Variants in GUSB observed in about 807,000 individuals in gnomAD.
GUSB encodes glucuronidase beta.
Under a neutral mutation model 74.6 loss-of-function variants are expected in GUSB, and 51 were observed. That is an observed-to-expected ratio of 0.68 (90% CI 0.55 to 0.86). The LOEUF is 0.86. Among genes scored for constraint, GUSB ranks in the 40% least tolerant of loss-of-function variants. The probability of loss-of-function intolerance (pLI) is 0.00; values close to 1 mark genes in which losing one functional copy is unlikely to be tolerated. For synonymous variants in GUSB, 360 were observed against 348.3 expected, an observed-to-expected ratio of 1.03 and a Z score of -0.37; for missense variants, 736 against 853.7, an observed-to-expected ratio of 0.86 and a Z score of 1.72.
In GUSB at chr7:65,980,072, C is replaced by T. The variant is rs891792789; in HGVS notation, c.396+152G>A. On this transcript the variant is annotated intron_variant, in intron 2 of 11. Transcript: ENST00000304895. ...AATGGGGTAGATCAGGCTACCTATCCCCCTATACAGGGCACAGCCCCCAGG... is the reference window on the plus strand; with the variant it reads ...AATGGGGTAGATCAGGCTACCTATCTCCCTATACAGGGCACAGCCCCCAGG... 5.8e-5 allele frequency: 55 copies of T among 947,828 alleles called. 1 individual carries two copies. The South Asian group carries it at 8.0e-4, about 14-fold the overall frequency. 58.7% of individuals were successfully genotyped at this position (947,828 alleles called of 1,614,324 possible).
Position 65,960,961 on chromosome 7 carries a change from T to G in GUSB, c.1892A>C (p.Asn631Thr). The G allele has an allele frequency of 6.2e-7, 1 of 1,614,032 alleles. No homozygotes were observed. The highest frequency in any genetic ancestry group is 8.5e-7 in the Non-Finnish European group (1 of 1,179,960). Residue 631 changes from asparagine (N) to threonine (T), a missense_variant, in exon 12 of 12, where the codon AAT becomes ACT. Physicochemically the swap from Asn to Thr is moderately conservative, Grantham distance 65. Around this residue, in one of 2 missense-constraint regions of GUSB, gnomAD observed 368 missense variants for 489.9 expected, o/e 0.75. Coordinates refer to ENST00000304895, the MANE Select transcript of GUSB (RefSeq NM_000181.4). ...LLRERYWKIA[N>T]ETRYPHSVAK... ...TACTGAGTGGGGATACCTGGTTTCA[T>G]TGGCAATCTTCCAGTATCTCTCTCG...
At chr7:65,967,352 G>A (rs1790901842) in intron 10 of GUSB, among the ~76,000 whole-genome samples, 1 of 152,182 alleles carries the variant, frequency 6.6e-6, no homozygotes, top group African/African-American at 2.4e-5. Flanking sequence ...TACTCAGGAG[G>A]CTGAGGTGGG....
In GUSB at chr7:65,979,861, G is replaced by A. The variant is rs148364905; in HGVS notation, c.447C>T (p.Phe149=). The change falls in exon 3 of 12, where the codon TTC becomes TTT. Residue 149 remains phenylalanine, a synonymous_variant. Transcript: ENST00000304895. ...GGACCAGGTTGCTGATGTCGGCCTC[G>A]AAGGGGAGGTAGCCCCCCTCATGCT... The part of the protein sequence containing the change: ...TLEHEGGYLP[F]EADISNLVQV... 1.1e-4 allele frequency: 183 copies of A among 1,612,858 alleles called. No homozygotes were observed. The highest frequency in any genetic ancestry group is 1.4e-4 in the Non-Finnish European group (167 of 1,179,772).
At position 65,974,455 on chromosome 7, in the gene GUSB, G is replaced by A. The variant is rs539361188; in HGVS notation, c.1245-14C>T. On this transcript the variant is annotated splice_polypyrimidine_tract_variant and intron_variant, in intron 7 of 11. Coordinates refer to ENST00000304895, the MANE Select transcript of GUSB (RefSeq NM_000181.4). The stretch of plus-strand genomic sequence containing the variant: ...TTGAAGAACTGCCTGCGGGCCAGGA[G>A]GGAAGGGACAGAGGGTCACGGTGAC... The A allele has an allele frequency of 5.0e-6, 8 of 1,614,068 alleles. No homozygotes were observed. Among genetic ancestry groups the A allele is most frequent in the Non-Finnish European group, 6.8e-6 (8 of 1,180,042 alleles).
At chr7:65,962,682 G>C (rs1267892023) in intron 11 of GUSB, among the ~76,000 whole-genome samples, 2 of 152,022 alleles carry the variant, frequency 1.3e-5, no homozygotes, top group Non-Finnish European at 2.9e-5. Context: ...AGCCCAGCCT[G>C]ACCAACATGG....
intron 4 of GUSB, among the ~76,000 whole-genome samples, chr7:65,976,645 G>T (rs1366756748): frequency 6.8e-6 from 1 of 147,996 alleles, no homozygotes; most frequent in Non-Finnish European, 1.5e-5. Context: ...TTTAAAAAAA[G>T]ATTTTGGCCA....
At position 65,976,122 on chromosome 7, in the gene GUSB, CTT is replaced by C. The variant is rs1791556465; in HGVS notation, c.803_804del (p.Lys268SerfsTer13). On this transcript the variant is annotated frameshift_variant, in exon 5 of 12. Coordinates refer to ENST00000304895, the MANE Select transcript of GUSB (RefSeq NM_000181.4). LOFTEE classifies it high-confidence loss of function. ...TGGGTCCCAGTCCCATTCGCCACGA[CTT>C]TGTTTTCTGCATCCAAAAGACGCAC... The part of the protein sequence containing the change: ...LEVRLLDAEN[K>X]VVANGTGTQG... 6.2e-7 allele frequency: 1 copy of C among 1,613,950 alleles called. No individual in the cohort carries two copies. Among genetic ancestry groups the C allele is most frequent in the Non-Finnish European group, 8.5e-7 (1 of 1,179,936 alleles).
At chr7:65,965,493 A>C (rs1250468680) in intron 10 of GUSB, among the ~76,000 whole-genome samples, 2 of 152,184 alleles carry the variant, frequency 1.3e-5, no homozygotes, top group Admixed American at 1.3e-4. Context: ...ACCATTTCAG[A>C]CAGTGCAAAT....
intron 8 of GUSB, among the ~76,000 whole-genome samples, chr7:65,972,477 A>G (rs1469432086): frequency 6.6e-6 from 1 of 152,094 alleles, no homozygotes; most frequent in East Asian, 1.9e-4. Context: ...ACTGTTGTTG[A>G]AGCCTGTTTT....
At position 65,976,201 on chromosome 7, in the gene GUSB, C is replaced by T. The variant is rs1306495578; in HGVS notation, c.726G>A (p.Gly242=). Residue 242 remains glycine (G), a splice_region_variant and synonymous_variant, in exon 5 of 12, where the codon GGG becomes GGA. Coordinates refer to ENST00000304895, the MANE Select transcript of GUSB (RefSeq NM_000181.4). ...TGACAGAGATCTGGTAATTCACCAGCCCTGCAAGAAACAAGAGAGACCAGG... is the reference window on the plus strand; with the variant it reads ...TGACAGAGATCTGGTAATTCACCAGTCCTGCAAGAAACAAGAGAGACCAGG... The part of the protein sequence containing the change: ...TVTTSVEQDS[G]LVNYQISVKG... 6.2e-7 allele frequency: 1 copy of T among 1,610,556 alleles called. No homozygotes were observed. The highest frequency in any genetic ancestry group is 1.1e-5 in the South Asian group (1 of 91,024).
At chr7:65,973,016 G>T (rs1391454743) in intron 8 of GUSB, among the ~76,000 whole-genome samples, 3 of 152,180 alleles carry the variant, frequency 2.0e-5, no homozygotes, top group African/African-American at 7.2e-5. Flanking sequence ...TGAACGCTGA[G>T]TTAGAACTGC....
In GUSB at chr7:65,980,371, G is replaced by A. The variant is rs750221073; in HGVS notation, c.249C>T (p.Phe83=). 1 of 1,613,916 alleles carries A rather than the reference G, an allele frequency of 6.2e-7. No individual in the cohort carries two copies. The highest frequency in any genetic ancestry group is 1.1e-5 in the South Asian group (1 of 91,026). The change falls in exon 2 of 12, where the codon TTC becomes TTT. Residue 83 remains phenylalanine, a synonymous_variant. Transcript: ENST00000304895. The part of the protein sequence containing the change: ...PTVDMPVPSS[F]NDISQDWRLR... The stretch of plus-strand genomic sequence containing the variant: ...GACGCCAGTCCTGGCTGATGTCATT[G>A]AAGCTGGAGGGAACTGGCATGTCCA...
At chr7:65,967,089 G>A (rs1216886447) in intron 10 of GUSB, among the ~76,000 whole-genome samples, 2 of 152,126 alleles carry the variant, frequency 1.3e-5, no homozygotes, top group African/African-American at 2.4e-5. Flanking sequence ...GGAGAGAGCA[G>A]AGGACACTGA....
At chr7:65,967,997 G>GT in intron 9 of GUSB, 90 bp from the exon 10 acceptor site, 7 of 1,088,532 alleles carry the variant, frequency 6.4e-6, no homozygotes, top group Non-Finnish European at 9.7e-6. Context: ...GGCAGAGAAG[G>GT]TAAGGGGGAT....
In GUSB at chr7:65,982,006, C is replaced by G. The variant is rs1224849242; in HGVS notation, c.178G>C (p.Glu60Gln). Residue 60 changes from glutamate to glutamine, a missense_variant, in exon 1 of 12, where the codon GAG becomes CAG. By Grantham distance (29) the Glu-to-Gln change is conservative. This residue lies in a region of GUSB where 368 missense variants were observed against 363.8 expected (regional missense o/e 1.01). Coordinates refer to ENST00000304895, the MANE Select transcript of GUSB (RefSeq NM_000181.4). ...AGCGGCCGCCGGTACCACTGCTCCT[C>G]GAAGCCCCGGCGTCGGTTGTCAGAG... is the stretch of plus-strand genomic sequence containing the variant. Reference protein sequence around the residue: ...DFSDNRRRGFEEQWYRRPLWE... With the variant: ...DFSDNRRRGFQEQWYRRPLWE... 1 of 1,609,734 alleles carries G rather than the reference C, an allele frequency of 6.2e-7. No homozygotes were observed. The highest frequency in any genetic ancestry group is 1.1e-5 in the South Asian group (1 of 90,852).
chr7:65,968,883 G>A (rs1386129395), intron 9 of GUSB, among the ~76,000 whole-genome samples: 1 of 152,076 alleles, frequency 6.6e-6, no homozygotes, highest in Non-Finnish European at 1.5e-5. Context: ...CACCATGCCC[G>A]GCTGTCACAG....
Position 65,976,016 on chromosome 7 carries a change from T to G in GUSB, c.911A>C (p.Glu304Ala). 3.1e-6 allele frequency: 5 copies of G among 1,613,250 alleles called. No homozygotes were observed. In the South Asian group the frequency reaches 5.5e-5, roughly 18 times the overall value. ...AGGCATGTCCCAAACCACCATTACC[T>G]CCAATGAATACAGATAGGCAGGGCG... is the stretch of plus-strand genomic sequence containing the variant. ...HERPAYLYSL[E>A]VQLTAQTSLG... The change falls in exon 5 of 12, where the codon GAG becomes GCG. Residue 304 changes from glutamate to alanine, a missense_variant and splice_region_variant. Glu to Ala is a moderately radical substitution (Grantham distance 107). Coordinates refer to ENST00000304895, the MANE Select transcript of GUSB (RefSeq NM_000181.4).
intron 8 of GUSB, among the ~76,000 whole-genome samples, chr7:65,971,318 G>T (rs1181140185): frequency 6.6e-6 from 1 of 152,168 alleles, no homozygotes; most frequent in Non-Finnish European, 1.5e-5. Context: ...GAGAAATGGT[G>T]CAAGTGCCGG....
At chr7:65,965,216 G>C (rs1790756353) in intron 10 of GUSB, among the ~76,000 whole-genome samples, 1 of 152,160 alleles carries the variant, frequency 6.6e-6, no homozygotes, top group Non-Finnish European at 1.5e-5. Flanking sequence ...GACTAGTCTA[G>C]GCAACACAGT....
Sources: allele counts gnomAD v4.1 joint callset (sites outside exome capture counted in the v4.1 genomes callset), GRCh38; gene constraint gnomAD v4.1.1; regional missense constraint gnomAD v4.1.1; transcripts MANE v1.5; gene names NCBI Gene and HGNC (gene_info 2026-07-23, HGNC 2026-07-21).